Variants in RELL1 observed in about 807,000 individuals in gnomAD.
RELL1 encodes RELT like 1.
A neutral mutation model predicts 23.0 loss-of-function variants in RELL1; 10 were observed. That is an observed-to-expected ratio of 0.43 (90% CI 0.27 to 0.74). The LOEUF (loss-of-function observed/expected upper bound fraction) is 0.74, where lower values mean the gene tolerates loss of function less well. RELL1 is among the 30% of genes least tolerant of loss of function. The pLI is 0.19. For missense variants in RELL1, 315 were observed against 364.4 expected (o/e 0.86, Z 1.10); for synonymous variants, 146 against 146.8 (o/e 0.99, Z 0.04).
chr4:37,627,948 A>G (rs1057428201), intron 6 of RELL1, among the ~76,000 whole-genome samples: 1 of 152,212 alleles, frequency 6.6e-6, no homozygotes, highest in African/African-American at 2.4e-5. Flanking sequence ...CTAGAACCAG[A>G]GAGTCTGGCC....
intron 1 of RELL1, among the ~76,000 whole-genome samples, chr4:37,684,564 T>G (rs1722335349): frequency 6.6e-6 from 1 of 152,214 alleles, no homozygotes; most frequent in African/African-American, 2.4e-5. Flanking sequence ...CTGTTGCAAC[T>G]GACTCTAACC....
Position 37,614,683 on chromosome 4 carries a change from A to G in RELL1, c.*4-1341T>C, listed in dbSNP as rs370778902. On this transcript the variant is annotated intron_variant, in intron 6 of 6. Coordinates refer to ENST00000454158, the MANE Select transcript of RELL1 (RefSeq NM_001085400.2). ...ATATAAAAATGGCCCTAAAAAAAAA[A>G]AAAGGAAAAAATGAGAGGGAATTTT... Among the ~76,000 whole-genome samples, 253 of 152,238 alleles carry G rather than the reference A, an allele frequency of 1.7e-3. 1 individual carries two copies. In the Middle Eastern group the frequency reaches 0.017, roughly 10 times the overall value.
chr4:37,598,284 A>AAAAAAAAAAAAAAAAAAAAG (rs869260737), intron 6 of RELL1, among the ~76,000 whole-genome samples: 2 of 117,250 alleles, frequency 1.7e-5, no homozygotes, highest in East Asian at 3.1e-4. Flanking sequence ...AAAAAAAAAA[A>AAAAAAAAAAAAAAAAAAAAG]GTTTATAGGA....
intron 3 of RELL1, among the ~76,000 whole-genome samples, chr4:37,639,604 C>T (rs2109270211): frequency 6.6e-6 from 1 of 152,034 alleles, no homozygotes; most frequent in Admixed American, 6.5e-5. Flanking sequence ...TTTTCTGCCT[C>T]CTTGTAGAGT....
downstream of RELL1, chr4:37,590,591 A>C (rs573345124): frequency 6.2e-7 from 1 of 1,614,170 alleles, no homozygotes; most frequent in East Asian, 2.2e-5. Flanking sequence ...GTACAAGACC[A>C]TGTCTTCCAG....
At chr4:37,588,803 T>C (rs1388626787), downstream of RELL1, 31 of 1,353,260 alleles carry the variant, frequency 2.3e-5, no homozygotes, top group Middle Eastern at 1.8e-4. Flanking sequence ...CCTACTAATA[T>C]ATCACTCACT....
chr4:37,639,673 A>C (rs544007809), intron 3 of RELL1, among the ~76,000 whole-genome samples: 1 of 152,356 alleles, frequency 6.6e-6, no homozygotes, highest in East Asian at 1.9e-4. Flanking sequence ...TTGGCTATTT[A>C]ATTGGCAAGG....
rs188310133 is a variant in RELL1, at chr4:37,676,442, G to A, written c.88+9758C>T. 2.0e-4 allele frequency among the ~76,000 whole-genome samples: 31 copies of A among 152,268 alleles called. No homozygotes were observed. In the East Asian group the frequency reaches 3.7e-3, roughly 18 times the overall value. On this transcript the variant is annotated intron_variant, in intron 1 of 6. Transcript: ENST00000454158. ...AATTAACAGATGCATTTGAAGTACCGGTTGTAGAAACACAGCTGAGTTTAG... is the reference window on the plus strand; with the variant it reads ...AATTAACAGATGCATTTGAAGTACCAGTTGTAGAAACACAGCTGAGTTTAG...
At chr4:37,669,243 G>GC (rs1721693855) in intron 1 of RELL1, among the ~76,000 whole-genome samples, 1 of 131,286 alleles carries the variant, frequency 7.6e-6, no homozygotes, top group South Asian at 2.3e-4. Context: ...GTGGGGGTCA[G>GC]CCCCCCGCCC....
At chr4:37,587,669 G>A (rs1183489302), downstream of RELL1, among the ~76,000 whole-genome samples, 1 of 152,166 alleles carries the variant, frequency 6.6e-6, no homozygotes, top group African/African-American at 2.4e-5. Context: ...GTTTTGGCTT[G>A]TCTTTTTAAA....
chr4:37,610,398 C>T (rs552016078), downstream of RELL1, among the ~76,000 whole-genome samples: 12 of 152,194 alleles, frequency 7.9e-5, no homozygotes, highest in African/African-American at 2.9e-4. The surrounding 1 kb of genome is among the most constrained non-coding windows in gnomAD (Gnocchi z 4.1). Context: ...GCAATATTTG[C>T]TTTACTGCAG....
chr4:37,593,628 T>C (rs1409482213), intron 6 of RELL1, among the ~76,000 whole-genome samples: 1 of 152,218 alleles, frequency 6.6e-6, no homozygotes, highest in Non-Finnish European at 1.5e-5. Flanking sequence ...GAAATCGTCT[T>C]GCTAGTGGTG....
At chr4:37,595,926 G>GA (rs1718824680) in intron 6 of RELL1, among the ~76,000 whole-genome samples, 1 of 151,794 alleles carries the variant, frequency 6.6e-6, no homozygotes, top group Non-Finnish European at 1.5e-5. Context: ...GGAAGAGAAG[G>GA]AAAAAAAGGG....
At chr4:37,630,514 A>G (rs1577575485) in intron 6 of RELL1, among the ~76,000 whole-genome samples, 1 of 151,568 alleles carries the variant, frequency 6.6e-6, no homozygotes. Context: ...ACAGGTGCCC[A>G]CCACTACGCC....
intron 1 of RELL1, among the ~76,000 whole-genome samples, chr4:37,683,878 G>A (rs1277786747): frequency 1.3e-5 from 2 of 151,208 alleles, no homozygotes; most frequent in Non-Finnish European, 2.9e-5. Context: ...TCAGGAGATG[G>A]AGACCATCCT....
intron 1 of RELL1, among the ~76,000 whole-genome samples, chr4:37,674,544 G>A (rs188766598): frequency 2.6e-5 from 4 of 152,334 alleles, no homozygotes; most frequent in East Asian, 3.9e-4. Flanking sequence ...CAGGCCGTAC[G>A]AGCATATAGA....
At chr4:37,640,160 T>C (rs903723761) in intron 3 of RELL1, among the ~76,000 whole-genome samples, 1 of 152,264 alleles carries the variant, frequency 6.6e-6, no homozygotes. Context: ...TTTTGCTTTT[T>C]TCTTTGAAGA....
intron 6 of RELL1, among the ~76,000 whole-genome samples, chr4:37,603,347 TG>T (rs1247110198): frequency 2.6e-5 from 4 of 152,112 alleles, no homozygotes; most frequent in African/African-American, 9.7e-5. Flanking sequence ...GAGGGTACCC[TG>T]GGGAGATCTG....
chr4:37,618,209 CT>C (rs1257085039), intron 6 of RELL1, among the ~76,000 whole-genome samples: 7 of 151,856 alleles, frequency 4.6e-5, no homozygotes, highest in African/African-American at 1.7e-4. Context: ...CTACATCAAT[CT>C]TTTTTTCTTT....
Sources: gnomAD v4.1 joint callset for allele counts (sites outside exome capture counted in the v4.1 genomes callset) on GRCh38, gnomAD v4.1.1 for gene constraint, Gnocchi (gnomAD v3.1) non-coding constraint, MANE v1.5 for transcripts, NCBI Gene and HGNC (gene_info 2026-07-23, HGNC 2026-07-21) for gene names.